Variants in PTPRT observed in about 807,000 individuals in gnomAD.
PTPRT encodes protein tyrosine phosphatase receptor type T.
Under a neutral mutation model 176.8 loss-of-function variants are expected in PTPRT, and 56 were observed. The observed-to-expected ratio is 0.32, with a 90% confidence interval of 0.26 to 0.40. The LOEUF is 0.40. Among genes scored for constraint, PTPRT ranks in the 10% least tolerant of loss-of-function variants. The pLI is 1.00. For synonymous variants in PTPRT, 783 were observed against 739.0 expected (o/e 1.06, Z -0.96); for missense variants, 1,540 against 1,908.2 (o/e 0.81, Z 3.60).
At chr20:42,634,082 ATAT>A (rs2074535221) in intron 7 of PTPRT, among the ~76,000 whole-genome samples, 1 of 43,310 alleles carries the variant, frequency 2.3e-5, no homozygotes, top group African/African-American at 1.0e-4. Flanking sequence ...TATAATATAT[ATAT>A]AATATAATAA....
intron 1 of PTPRT, among the ~76,000 whole-genome samples, chr20:43,004,170 TAA>T (rs10618644): frequency 0.2 from 25,492 of 127,176 alleles, 3,941 homozygotes; most frequent in African/African-American, 0.45. Context: ...AACCAAGATG[TAA>T]AAAAAAAAAA....
intron 7 of PTPRT, among the ~76,000 whole-genome samples, chr20:42,540,669 A>C (rs2072563101): frequency 6.6e-6 from 1 of 152,200 alleles, no homozygotes; most frequent in Admixed American, 6.5e-5. Context: ...TAGTAATAAA[A>C]ACATAAAAAT....
At chr20:42,694,641 TTAC>T (rs1472724341) in intron 6 of PTPRT, among the ~76,000 whole-genome samples, 1 of 152,204 alleles carries the variant, frequency 6.6e-6, no homozygotes. Flanking sequence ...TCATTTTACA[TTAC>T]TACTATCAAT....
chr20:42,562,952 A>G (rs1394065557), intron 7 of PTPRT, among the ~76,000 whole-genome samples: 1 of 152,210 alleles, frequency 6.6e-6, no homozygotes, highest in Non-Finnish European at 1.5e-5. Flanking sequence ...AAACAAAACA[A>G]AACAATAAAA....
chr20:42,780,259 T>C lies in PTPRT; in HGVS notation c.527A>G (p.Tyr176Cys). The C allele has an allele frequency of 6.2e-7, 1 of 1,614,062 alleles. No individual in the cohort carries two copies. The highest frequency in any genetic ancestry group is 8.5e-7 in the Non-Finnish European group (1 of 1,179,950). Residue 176 changes from tyrosine (Y) to cysteine (C), a missense_variant, in exon 4 of 31, where the codon TAC (tyrosine) becomes TGC (cysteine). By Grantham distance (194) the Tyr-to-Cys change is radical. This residue lies in a region of PTPRT where 273 missense variants were observed against 432.1 expected (regional missense o/e 0.63). Transcript: ENST00000373187. ...GACCCGGACCTCGTCCACGGCGATG[T>C]AGCCAGGATGACCCTTCAATGAGAC... ...ESVSLKGHPG[Y>C]IAVDEVRVLA...
At chr20:42,154,187 A>G (rs8123724) in intron 17 of PTPRT, among the ~76,000 whole-genome samples, 20,365 of 152,146 alleles carry the variant, frequency 0.13, 3,502 homozygotes, top group African/African-American at 0.4. Flanking sequence ...CTGCAAATTG[A>G]GGAGCTGAAC....
At chr20:42,518,024 T>C (rs963588462) in intron 7 of PTPRT, among the ~76,000 whole-genome samples, 1 of 152,012 alleles carries the variant, frequency 6.6e-6, no homozygotes, top group Non-Finnish European at 1.5e-5. Context: ...AGAGAATATA[T>C]TAATATTGCT....
intron 12 of PTPRT, among the ~76,000 whole-genome samples, chr20:42,294,592 A>AT (rs1026748725): frequency 6.6e-6 from 1 of 152,060 alleles, no homozygotes; most frequent in East Asian, 1.9e-4. Context: ...AAATCTAAAA[A>AT]ATTTTTTAAA....
intron 6 of PTPRT, among the ~76,000 whole-genome samples, chr20:42,683,158 C>G (rs2075632274): frequency 6.6e-6 from 1 of 152,204 alleles, no homozygotes; most frequent in South Asian, 2.1e-4. Flanking sequence ...CAACCCTAGC[C>G]ACCAACACAA....
At chr20:42,563,609 T>C (rs954644291) in intron 7 of PTPRT, among the ~76,000 whole-genome samples, 5 of 151,962 alleles carry the variant, frequency 3.3e-5, no homozygotes, top group Non-Finnish European at 7.4e-5. Context: ...TGCCCAGAAA[T>C]AGGAAAATCA....
chr20:42,762,471 A>C (rs577085409), intron 5 of PTPRT, among the ~76,000 whole-genome samples: 1 of 152,348 alleles, frequency 6.6e-6, no homozygotes, highest in Non-Finnish European at 1.5e-5. Context: ...ACATGAATGG[A>C]AAAATTCCTT....
chr20:42,592,281 G>T (rs1181647655), intron 7 of PTPRT, among the ~76,000 whole-genome samples: 2 of 152,092 alleles, frequency 1.3e-5, no homozygotes, highest in African/African-American at 4.8e-5. Context: ...AGCTTTGCTG[G>T]AGATTCTATT....
chr20:42,882,400 G>A (rs138673910), intron 2 of PTPRT, among the ~76,000 whole-genome samples: 38 of 152,226 alleles, frequency 2.5e-4, no homozygotes, highest in African/African-American at 9.1e-4. Flanking sequence ...CCATAATGAG[G>A]GGCTGAGAAA....
At chr20:42,057,144 G>A in the PTPRT span, among the ~76,000 whole-genome samples, 1 of 152,172 alleles carries the variant, frequency 6.6e-6, no homozygotes, top group South Asian at 2.1e-4. Context: ...TGAAGGTTTT[G>A]TTTACCATAT....
chr20:43,035,804 A>G (rs755788191), intron 1 of PTPRT, among the ~76,000 whole-genome samples: 3 of 152,228 alleles, frequency 2.0e-5, no homozygotes, highest in African/African-American at 4.8e-5. Flanking sequence ...ATTTTTTTCC[A>G]CACTTACAGC....
In PTPRT at chr20:42,206,780, G is replaced by A. The variant is rs148010936; in HGVS notation, c.2343-7392C>T. Reference sequence around the variant, plus strand: ...GAAGCTCGAACTGGGTGAACTGGGCGGAGCCCACCACAGCACAAGGAGGCC... The same window carrying A: ...GAAGCTCGAACTGGGTGAACTGGGCAGAGCCCACCACAGCACAAGGAGGCC... On this transcript the variant is annotated intron_variant, in intron 15 of 30. Transcript: ENST00000373187. 3.6e-3 allele frequency among the ~76,000 whole-genome samples: 545 copies of A among 152,372 alleles called. 3 individuals carry two copies. Among genetic ancestry groups the A allele is most frequent in the African/African-American group, 0.011 (471 of 41,596 alleles).
chr20:42,680,518 T>A (rs1301583015), intron 6 of PTPRT, among the ~76,000 whole-genome samples: 1 of 152,194 alleles, frequency 6.6e-6, no homozygotes, highest in Non-Finnish European at 1.5e-5. Flanking sequence ...CATTATCAAC[T>A]CTCCAGAGCT....
intron 7 of PTPRT, among the ~76,000 whole-genome samples, chr20:42,585,419 T>C (rs879532688): frequency 2.0e-5 from 3 of 152,242 alleles, no homozygotes; most frequent in African/African-American, 4.8e-5. Flanking sequence ...GAATTTTTAA[T>C]GTGTCATTTG....
intron 13 of PTPRT, among the ~76,000 whole-genome samples, chr20:42,252,625 A>G (rs1264465047): frequency 6.6e-6 from 1 of 152,258 alleles, no homozygotes; most frequent in East Asian, 1.9e-4. Context: ...GGTAGAATCA[A>G]GTCCACACAC....
Sources: gnomAD v4.1 joint callset for allele counts (sites outside exome capture counted in the v4.1 genomes callset) on GRCh38, gnomAD v4.1.1 for gene constraint, gnomAD v4.1.1 regional missense constraint, MANE v1.5 for transcripts, NCBI Gene and HGNC (gene_info 2026-07-23, HGNC 2026-07-21) for gene names.